NUCB1: variants seen among roughly 807,000 people sequenced by gnomAD.
NUCB1 encodes nucleobindin 1, also known as nucleobindin-1.
NUCB1 carries 47 observed loss-of-function variants against 61.2 expected under a neutral mutation model. The observed-to-expected ratio is 0.77, with a 90% CI of 0.61 to 0.98. The LOEUF (loss-of-function observed/expected upper bound fraction) is 0.98. Among genes scored for constraint, NUCB1 ranks in the 50% least tolerant of loss-of-function variants. The pLI is 0.00. For synonymous variants in NUCB1, 234 were observed against 243.1 expected, an observed-to-expected ratio of 0.96 and a Z score of 0.35; for missense variants, 583 against 605.3, an observed-to-expected ratio of 0.96 and a Z score of 0.39.
At chr19:48,905,577 C>T (rs1203524401) in intron 3 of NUCB1, among the ~76,000 whole-genome samples, 176 bp from the exon 4 acceptor site, 1 of 152,152 alleles carries the variant, frequency 6.6e-6, no homozygotes, top group African/African-American at 2.4e-5. Flanking sequence ...GTGGGCAGGG[C>T]CTTGAATGCC....
chr19:48,904,559 C>G (rs1257843156), intron 3 of NUCB1, 105 bp downstream of exon 3: 1 of 684,544 alleles, frequency 1.5e-6, no homozygotes, highest in Non-Finnish European at 2.5e-6. Context: ...GAGTCTTGCT[C>G]TGTCACCCAG....
At chr19:48,916,688 C>A (rs1180383802) in intron 7 of NUCB1, among the ~76,000 whole-genome samples, 3 of 152,034 alleles carry the variant, frequency 2.0e-5, no homozygotes, top group African/African-American at 7.3e-5. Flanking sequence ...GAGGCCAAGG[C>A]AGGCAGATCA....
intron 4 of NUCB1, among the ~76,000 whole-genome samples, chr19:48,909,573 C>T (rs1328962903): frequency 3.3e-5 from 5 of 151,994 alleles, no homozygotes; most frequent in Non-Finnish European, 5.9e-5. Flanking sequence ...CAGGGTTTCA[C>T]TTCTATCCTC....
At chr19:48,919,381 G>A (rs2037580620) in intron 10 of NUCB1, 95 bp downstream of exon 10, 2 of 894,452 alleles carry the variant, frequency 2.2e-6, no homozygotes, top group Non-Finnish European at 3.5e-6. Context: ...TTTCTCTCTG[G>A]GTCCCCGTCC....
At chr19:48,913,989 A>G (rs11880134) in intron 7 of NUCB1, among the ~76,000 whole-genome samples, 73,203 of 139,748 alleles carry the variant, frequency 0.52, 20,548 homozygotes, top group South Asian at 0.67. Context: ...TTTTTTTGAG[A>G]TGGAGTCTTG....
chr19:48,915,398 T>C (rs1343852912), intron 7 of NUCB1, among the ~76,000 whole-genome samples: 1 of 152,072 alleles, frequency 6.6e-6, no homozygotes, highest in East Asian at 1.9e-4. Flanking sequence ...CTCAGGAGGC[T>C]GAGGTAGGAG....
At chr19:48,908,715 C>G in intron 4 of NUCB1, among the ~76,000 whole-genome samples, 1 of 71,718 alleles carries the variant, frequency 1.4e-5, no homozygotes, top group Non-Finnish European at 2.7e-5. Flanking sequence ...GCCCACTTGA[C>G]CAAGGGGTGT....
At chr19:48,913,697 G>T in intron 7 of NUCB1, 133 bp downstream of exon 7, 1 of 693,242 alleles carries the variant, frequency 1.4e-6, no homozygotes, top group Non-Finnish European at 2.6e-6. Flanking sequence ...ATGTCCCCTG[G>T]TTGACCAGAC....
At position 48,908,648 on chromosome 19, in the gene NUCB1, CGTGTGTGTGTGTGT is replaced by C. The variant is rs58211997; in HGVS notation, c.377-2464_377-2451del. ...CTAGGTCTCCCAAATTCTAGCTGCC[CGTGTGTGTGTGTGT>C]GTGTGTGTGTGTGTGTGTGTGTGTG... On this transcript the variant is annotated intron_variant, in intron 4 of 12. Coordinates refer to ENST00000405315, the MANE Select transcript of NUCB1 (RefSeq NM_006184.6). 3.3e-3 allele frequency among the ~76,000 whole-genome samples: 289 copies of C among 86,548 alleles called. 2 individuals are homozygous for C. Among genetic ancestry groups the C allele is most frequent in the African/African-American group, 5.8e-3 (107 of 18,586 alleles). 56.8% of individuals were successfully genotyped at this position (86,548 alleles called of 152,430 possible).
In NUCB1 at chr19:48,904,441, C is replaced by T. The variant is rs200850331; in HGVS notation, c.230C>T (p.Ala77Val). The change falls in exon 3 of 13, where the codon GCG (alanine) becomes GTG (valine). Residue 77 changes from alanine to valine, a missense_variant. Coordinates refer to ENST00000405315, the MANE Select transcript of NUCB1 (RefSeq NM_006184.6). ...HFREKLQAAN[A>V]EDIKSGKLSR... ...CGAGAGAAGCTGCAGGCTGCCAATG[C>T]GGAGGACATCAAGGTGCGGCTGGGG... 2.7e-5 allele frequency: 43 copies of T among 1,586,642 alleles called. No individual in the cohort carries two copies. The highest frequency in any genetic ancestry group is 4.4e-5 in the South Asian group (4 of 90,492).
Position 48,919,210 on chromosome 19 carries a change from A to G in NUCB1, c.926A>G (p.Asp309Gly). 1 of 1,613,958 alleles carries G rather than the reference A, an allele frequency of 6.2e-7. No individual in the cohort carries two copies. The highest frequency in any genetic ancestry group is 8.5e-7 in the Non-Finnish European group (1 of 1,179,954). The change falls in exon 10 of 13, where the codon GAC becomes GGC. Residue 309 changes from aspartate to glycine, a missense_variant. Asp to Gly is a moderately conservative substitution (Grantham distance 94). Transcript: ENST00000405315. ...HVMKNVDTNQ[D>G]RLVTLEEFLA... Reference sequence around the variant, plus strand: ...GCTCCCCAGGTGGACACCAACCAGGACCGCCTCGTGACCCTGGAGGAGTTC... The same window carrying G: ...GCTCCCCAGGTGGACACCAACCAGGGCCGCCTCGTGACCCTGGAGGAGTTC...
intron 1 of NUCB1, 195 bp from the exon 2 acceptor site, chr19:48,900,591 G>C (rs2037343101): frequency 1.5e-6 from 1 of 675,682 alleles, no homozygotes; most frequent in African/African-American, 1.8e-5. Flanking sequence ...CAGGACCCCT[G>C]GGTCTGAGGG....
chr19:48,913,661 C>T (rs1411790834), intron 7 of NUCB1, 97 bp downstream of exon 7: 11 of 998,634 alleles, frequency 1.1e-5, no homozygotes, highest in Non-Finnish European at 1.7e-5. Context: ...CCCAGGAGGG[C>T]TTAGTCAGGC....
In NUCB1 at chr19:48,913,941, G is replaced by C. The variant is rs115964459; in HGVS notation, c.757+377G>C. On this transcript the variant is annotated intron_variant, in intron 7 of 12. Coordinates refer to ENST00000405315, the MANE Select transcript of NUCB1 (RefSeq NM_006184.6). ...CTAAGAACCAGGCCTCCAGAAGCCT[G>C]GAAAACCCTTTCTCTTTTTCTTTTT... 6.4e-3 allele frequency among the ~76,000 whole-genome samples: 977 copies of C among 151,804 alleles called. 9 individuals carry two copies. The highest frequency in any genetic ancestry group is 0.023 in the African/African-American group (938 of 41,416).
At position 48,922,539 on chromosome 19, in the gene NUCB1, C is replaced by CG; in HGVS notation, c.*120dup. On this transcript the variant is annotated 3_prime_UTR_variant, in exon 13 of 13. Transcript: ENST00000405315. ...CTGGTGTCATGTTGGGCTCCTGGGGCGGGGGCACGGCCTGGCATTTCACGC... is the reference window on the plus strand; with the variant it reads ...CTGGTGTCATGTTGGGCTCCTGGGGCGGGGGGCACGGCCTGGCATTTCACGC... 1.2e-6 allele frequency: 1 copy of CG among 803,370 alleles called. No homozygotes were observed. The allele number at this position is 803,370 out of a possible 1,614,324, so 49.8% of individuals were successfully genotyped here. A position where few individuals can be genotyped will look rare whatever the true frequency, so the allele number is the denominator to read the frequency against.
At chr19:48,915,821 T>TC (rs2037533434) in intron 7 of NUCB1, among the ~76,000 whole-genome samples, 1 of 151,718 alleles carries the variant, frequency 6.6e-6, no homozygotes, top group Non-Finnish European at 1.5e-5. Flanking sequence ...TGTTTTGTTT[T>TC]GTTTTTTTTT....
chr19:48,910,374 C>G (rs1203836621), intron 4 of NUCB1, among the ~76,000 whole-genome samples: 1 of 16,564 alleles, frequency 6.0e-5, no homozygotes, highest in African/African-American at 2.7e-4. Context: ...CCGCACCCAG[C>G]CTTGTTTGTT....
intron 4 of NUCB1, among the ~76,000 whole-genome samples, chr19:48,909,457 G>T (rs2037449074): frequency 6.6e-6 from 1 of 152,010 alleles, no homozygotes; most frequent in Non-Finnish European, 1.5e-5. Flanking sequence ...ATGTTGGGCA[G>T]GCTGGTTTCG....
chr19:48,901,544 AC>A (rs2037353412), intron 2 of NUCB1, among the ~76,000 whole-genome samples: 1 of 152,224 alleles, frequency 6.6e-6, no homozygotes, highest in Non-Finnish European at 1.5e-5. Flanking sequence ...CAGGCGGATC[AC>A]TTGAGGTCAG....
Sources: allele counts gnomAD v4.1 joint callset (sites outside exome capture counted in the v4.1 genomes callset), GRCh38; gene constraint gnomAD v4.1.1; transcripts MANE v1.5; gene names NCBI Gene and HGNC (gene_info 2026-07-23, HGNC 2026-07-21).